GRID2: variants seen among roughly 807,000 people sequenced by gnomAD.
GRID2 encodes glutamate receptor ionotropic, delta-2.
In GRID2, 33 loss-of-function variants were observed where a neutral mutation model predicts 114.8. The observed-to-expected ratio is 0.29, with a 90% CI of 0.22 to 0.38. GRID2 has a LOEUF of 0.38. Among genes scored for constraint, GRID2 ranks in the 10% least tolerant of loss-of-function variants. The pLI, the probability that GRID2 is intolerant of heterozygous loss-of-function variation, is 1.00. For synonymous variants in GRID2, 505 were observed against 449.9 expected (o/e 1.12, Z -1.55); for missense variants, 1,184 against 1,257.7 (o/e 0.94, Z 0.89).
chr4:93,559,729 G>A (rs982442089), intron 13 of GRID2, among the ~76,000 whole-genome samples: 18 of 152,252 alleles, frequency 1.2e-4, no homozygotes, highest in African/African-American at 1.4e-4. Flanking sequence ...CCATTACTGG[G>A]TATATACCCA....
chr4:93,150,622 G>A (rs2149396480), intron 4 of GRID2, among the ~76,000 whole-genome samples: 1 of 152,100 alleles, frequency 6.6e-6, no homozygotes, highest in Non-Finnish European at 1.5e-5. Flanking sequence ...AGCTCTGCAT[G>A]TAAAGACCAC....
intron 1 of GRID2, among the ~76,000 whole-genome samples, chr4:92,529,881 GGAGAA>G (rs1444175466): frequency 6.6e-6 from 1 of 151,984 alleles, no homozygotes; most frequent in African/African-American, 2.4e-5. Context: ...GTAGAGAAGC[GGAGAA>G]TAGTAAAAAG....
In GRID2 at chr4:93,194,827, C is replaced by T. The variant is rs146790172; in HGVS notation, c.736-12577C>T. ...TCGTTAGAAATTAAAATTTTCAGAC[C>T]CCATGCCAGACCTTCTAAATCAGAA... On this transcript the variant is annotated intron_variant, in intron 4 of 15. Transcript: ENST00000282020. Among the ~76,000 whole-genome samples, 535 of 152,126 alleles carry T rather than the reference C, an allele frequency of 3.5e-3. 15 individuals carry two copies. In the East Asian group the frequency reaches 0.055, roughly 16 times the overall value.
At chr4:93,672,637 T>C (rs377641238) in intron 14 of GRID2, among the ~76,000 whole-genome samples, 3 of 152,236 alleles carry the variant, frequency 2.0e-5, no homozygotes, top group Non-Finnish European at 4.4e-5. Flanking sequence ...TTAGGACTAA[T>C]TGTTGTTGAA....
chr4:93,737,674 G>A (rs749653237), intron 14 of GRID2, among the ~76,000 whole-genome samples: 22 of 152,194 alleles, frequency 1.4e-4, no homozygotes, highest in Non-Finnish European at 2.9e-4. Flanking sequence ...AAAGACACTT[G>A]TTTCCCACAT....
chr4:92,601,786 AAAGAG>A (rs1268804171), intron 2 of GRID2, among the ~76,000 whole-genome samples: 1 of 140,858 alleles, frequency 7.1e-6, no homozygotes, highest in African/African-American at 2.5e-5. Flanking sequence ...ATAATAAAGA[AAAGAG>A]AAGAATCAAA....
Position 93,794,983 on chromosome 4 carries a change from A to G in GRID2, c.222-11732A>G, listed in dbSNP as rs893053384. 2.0e-5 allele frequency among the ~76,000 whole-genome samples: 3 copies of G among 152,216 alleles called. No individual in the cohort carries two copies. The East Asian group carries it at 5.8e-4, about 29-fold the overall frequency. On this transcript the variant is annotated intron_variant, in intron 1 of 1. Transcript: ENST00000637838. ...TACTGTAACCTTATTTACTTTAGAA[A>G]ACAAACTGTAATGGTCTGGTAAATC...
chr4:93,224,611 C>A lies in GRID2; in HGVS notation c.964-3C>A. 1 of 1,597,100 alleles carries A rather than the reference C, an allele frequency of 6.3e-7. No homozygotes were observed. Among genetic ancestry groups the A allele is most frequent in the South Asian group, 1.1e-5 (1 of 90,466 alleles). On this transcript the variant is annotated splice_polypyrimidine_tract_variant and splice_region_variant and intron_variant, in intron 6 of 15. Transcript: ENST00000282020. Reference sequence around the variant, plus strand: ...TAATGATCACTTTCTAATGTCTTTTCAGATTTCCAACCTTTACATATATGA... The same window carrying A: ...TAATGATCACTTTCTAATGTCTTTTAAGATTTCCAACCTTTACATATATGA...
chr4:93,130,941 T>C (rs1052604141), intron 4 of GRID2, among the ~76,000 whole-genome samples: 2 of 152,154 alleles, frequency 1.3e-5, no homozygotes, highest in Admixed American at 6.5e-5. Flanking sequence ...TCCAATTGCA[T>C]CCTTTCTGCC....
At chr4:93,220,314 T>C (rs1335041273) in intron 6 of GRID2, among the ~76,000 whole-genome samples, 1 of 151,950 alleles carries the variant, frequency 6.6e-6, no homozygotes, top group Non-Finnish European at 1.5e-5. Context: ...TATGTGGTGT[T>C]TGACAAATTT....
At chr4:93,319,355 C>G (rs990572899) in intron 8 of GRID2, among the ~76,000 whole-genome samples, 1 of 152,078 alleles carries the variant, frequency 6.6e-6, no homozygotes, top group Non-Finnish European at 1.5e-5. Context: ...ATAGAGGCTA[C>G]TGTCCCTTGT....
chr4:92,721,580 T>C (rs889724461), intron 2 of GRID2, among the ~76,000 whole-genome samples: 1 of 152,100 alleles, frequency 6.6e-6, no homozygotes, highest in Non-Finnish European at 1.5e-5. Flanking sequence ...GACAGTACTT[T>C]TCAAACCATC....
At chr4:93,765,094 C>T (rs1733536650) in intron 14 of GRID2, among the ~76,000 whole-genome samples, 1 of 152,154 alleles carries the variant, frequency 6.6e-6, no homozygotes, top group Non-Finnish European at 1.5e-5. Context: ...TCATCCTATT[C>T]ATCTTCCAGG....
intron 2 of GRID2, among the ~76,000 whole-genome samples, chr4:92,899,069 A>G (rs1277073969): frequency 6.6e-6 from 1 of 152,116 alleles, no homozygotes; most frequent in Non-Finnish European, 1.5e-5. Context: ...CTGATAAAAG[A>G]TGATTGTTTA....
rs144245483 is a variant in GRID2 at position 93,626,399 on chromosome 4, A to C, written c.2324A>C (p.Gln775Pro). The C allele has an allele frequency of 6.2e-7, 1 of 1,611,874 alleles. No individual in the cohort carries two copies. Among genetic ancestry groups the C allele is most frequent in the South Asian group, 1.1e-5 (1 of 90,760 alleles). ...GATCGGGGATATGGAATTGCATTAC[A>C]ACATGGCAGTCCTTACCGAGATGTT... ...VADRGYGIAL[Q>P]HGSPYRDVFS... is the part of the protein sequence containing the mutation. Residue 775 changes from glutamine to proline, a missense_variant, in exon 14 of 16, where the codon CAA becomes CCA. Coordinates refer to ENST00000282020, the MANE Select transcript of GRID2 (RefSeq NM_001510.4).
chr4:92,943,100 A>T (rs980140619), intron 2 of GRID2, among the ~76,000 whole-genome samples: 3 of 152,092 alleles, frequency 2.0e-5, no homozygotes, highest in African/African-American at 4.8e-5. Flanking sequence ...GTACTTCCTG[A>T]ATTTGAATGT....
intron 2 of GRID2, among the ~76,000 whole-genome samples, chr4:92,871,090 G>A (rs948695117): frequency 1.3e-5 from 2 of 151,904 alleles, no homozygotes; most frequent in Admixed American, 6.6e-5. Context: ...ACATGTATTA[G>A]GTAAACAGAA....
At chr4:92,547,205 C>A (rs1220487709) in intron 1 of GRID2, among the ~76,000 whole-genome samples, 2 of 152,044 alleles carry the variant, frequency 1.3e-5, no homozygotes, top group African/African-American at 2.4e-5. Flanking sequence ...GTATAAAATT[C>A]ATAAAATAAT....
chr4:93,420,061 C>T (rs1768115313), intron 9 of GRID2, among the ~76,000 whole-genome samples: 1 of 151,764 alleles, frequency 6.6e-6, no homozygotes, highest in Non-Finnish European at 1.5e-5. Context: ...TTTTGCAGGT[C>T]CTGAAAAATA....
Sources: gnomAD v4.1 joint callset for allele counts (sites outside exome capture counted in the v4.1 genomes callset) on GRCh38, gnomAD v4.1.1 for gene constraint, MANE v1.5 for transcripts, NCBI Gene and HGNC (gene_info 2026-07-23, HGNC 2026-07-21) for gene names.